Variants in NDUFV3 observed in about 807,000 individuals in gnomAD.
NDUFV3 encodes the protein NADH dehydrogenase [ubiquinone] flavoprotein 3, mitochondrial.
A neutral mutation model predicts 37.5 loss-of-function variants in NDUFV3; 44 were observed. The ratio of observed to expected loss-of-function variants is 1.17; its 90% CI spans 0.92 to 1.51. The LOEUF (loss-of-function observed/expected upper bound fraction) is 1.51. Ranked by LOEUF, NDUFV3 falls within the 40% of genes most tolerant of loss-of-function variation. The pLI, the probability that NDUFV3 is intolerant of heterozygous loss-of-function variation, is 0.00. For synonymous variants in NDUFV3, 235 were observed against 239.3 expected (o/e 0.98, Z 0.17); for missense variants, 580 against 580.4 (o/e 1.00, Z 0.01).
chr21:42,893,398 C>G lies in NDUFV3; in HGVS notation c.48+17C>G. The stretch of plus-strand genomic sequence containing the variant: ...GCGCTGAAGGTAAAGGAGGAGCCAG[C>G]CTGGGCTGGCTGCGCGGCCCCGAGC... On this transcript the variant is annotated intron_variant, in intron 1 of 3. Coordinates refer to ENST00000354250, the MANE Select transcript of NDUFV3 (RefSeq NM_021075.4). 3 of 1,535,928 alleles carry G rather than the reference C, an allele frequency of 2.0e-6. No individual in the cohort carries two copies. Among genetic ancestry groups the G allele is most frequent in the Non-Finnish European group, 2.6e-6 (3 of 1,146,298 alleles).
At chr21:42,901,626 T>A (rs60248966) in intron 2 of NDUFV3, among the ~76,000 whole-genome samples, 5,683 of 151,340 alleles carry the variant, frequency 0.038, 347 homozygotes, top group African/African-American at 0.13. Flanking sequence ...GAAAACGAAA[T>A]TTTACGTATC....
chr21:42,902,662 T>G (rs2058721945), intron 2 of NDUFV3, among the ~76,000 whole-genome samples: 1 of 152,198 alleles, frequency 6.6e-6, no homozygotes, highest in Admixed American at 6.6e-5. Context: ...AGAAACAGTC[T>G]CTGAAAGTCC....
chr21:42,901,992 T>C (rs2045089722), intron 2 of NDUFV3, among the ~76,000 whole-genome samples: 1 of 152,238 alleles, frequency 6.6e-6, no homozygotes, highest in African/African-American at 2.4e-5. Context: ...GCAGATCACC[T>C]GAGGTCGGGA....
Position 42,903,147 on chromosome 21 carries a change from T to C in NDUFV3, c.170-35T>C, listed in dbSNP as rs766469050. On this transcript the variant is annotated intron_variant, in intron 2 of 3. Coordinates refer to ENST00000354250, the MANE Select transcript of NDUFV3 (RefSeq NM_021075.4). ...ATTTTGACTGAGTTTTAAGTTGTTT[T>C]GTTAAATAACATTCCTCTTTATGCC... is the stretch of plus-strand genomic sequence containing the variant. 27 of 1,613,724 alleles carry C rather than the reference T, an allele frequency of 1.7e-5. No homozygotes were observed. The East Asian group carries it at 6.0e-4, about 36-fold the overall frequency.
chr21:42,896,446 C>T (rs1260514375), intron 1 of NDUFV3, among the ~76,000 whole-genome samples: 1 of 151,922 alleles, frequency 6.6e-6, no homozygotes, highest in Non-Finnish European at 1.5e-5. Context: ...GCACCGCGCC[C>T]GGCCTTTTTT....
intron 1 of NDUFV3, among the ~76,000 whole-genome samples, chr21:42,896,628 G>C (rs2058692695): frequency 6.6e-6 from 1 of 152,068 alleles, no homozygotes; most frequent in African/African-American, 2.4e-5. Flanking sequence ...GAGGCCAGGA[G>C]TTTGAGGAAG....
At chr21:42,907,449 T>C (rs1217934609) in intron 3 of NDUFV3, among the ~76,000 whole-genome samples, 1 of 21,086 alleles carries the variant, frequency 4.7e-5, no homozygotes, top group Non-Finnish European at 1.0e-4. Flanking sequence ...GCCCTACTAA[T>C]TTTTTTTTTT....
chr21:42,908,964 A>G lies in NDUFV3; in HGVS notation c.1365A>G (p.Glu455=). ...STYTFLDLNL[E]LSKFRMPQPS... Reference sequence around the variant, plus strand: ...ACACCTTCTTAGACCTCAACCTCGAACTCTCAAAATTCAGGATGCCTCAGC... The same window carrying G: ...ACACCTTCTTAGACCTCAACCTCGAGCTCTCAAAATTCAGGATGCCTCAGC... The change falls in exon 4 of 4, where the codon GAA becomes GAG. Residue 455 remains glutamate (E), a synonymous_variant. Coordinates refer to ENST00000354250, the MANE Select transcript of NDUFV3 (RefSeq NM_021075.4). 1.9e-6 allele frequency: 3 copies of G among 1,613,814 alleles called. No homozygotes were observed. The highest frequency in any genetic ancestry group is 2.5e-6 in the Non-Finnish European group (3 of 1,179,946).
At chr21:42,902,730 T>C (rs1465583965) in intron 2 of NDUFV3, among the ~76,000 whole-genome samples, 1 of 152,160 alleles carries the variant, frequency 6.6e-6, no homozygotes, top group Non-Finnish European at 1.5e-5. Context: ...AGTTTTGTGT[T>C]TTATTATACA....
Position 42,903,314 on chromosome 21 carries a change from C to G in NDUFV3, c.302C>G (p.Pro101Arg), listed in dbSNP as rs771742445. Residue 101 changes from proline (P) to arginine (R), a missense_variant, in exon 3 of 4, where the codon CCC (proline) becomes CGC (arginine). Pro to Arg is a moderately radical substitution (Grantham distance 103). Transcript: ENST00000354250. ...NKGRKVASPS[P>R]SGSVLFTDEG... Reference sequence around the variant, plus strand: ...GGCAGGAAGGTAGCTAGTCCCAGTCCCAGTGGCAGCGTGCTATTCACAGAT... The same window carrying G: ...GGCAGGAAGGTAGCTAGTCCCAGTCGCAGTGGCAGCGTGCTATTCACAGAT... 1.2e-6 allele frequency: 2 copies of G among 1,614,100 alleles called. No homozygotes were observed. The highest frequency in any genetic ancestry group is 1.7e-5 in the Admixed American group (1 of 59,982).
rs1376526611 is a variant in NDUFV3, at chr21:42,893,351, G to T, written c.18G>T (p.Leu6Phe). 1 of 1,538,406 alleles carries T rather than the reference G, an allele frequency of 6.5e-7. No homozygotes were observed. Among genetic ancestry groups the T allele is most frequent in the Non-Finnish European group, 8.7e-7 (1 of 1,146,402 alleles). The stretch of plus-strand genomic sequence containing the variant: ...TCACCGCCATGGCTGCCCCGTGTTT[G>T]CTGCGGCAAGGACGAGCCGGGGCGC... MAAPC[L>F]LRQGRAGALK... Residue 6 changes from leucine to phenylalanine, a missense_variant, in exon 1 of 4, where the codon TTG becomes TTT. By Grantham distance (22) the Leu-to-Phe change is conservative. Transcript: ENST00000354250.
chr21:42,894,457 T>TA (rs2058678916), intron 1 of NDUFV3, among the ~76,000 whole-genome samples: 3 of 41,662 alleles, frequency 7.2e-5, no homozygotes, highest in African/African-American at 6.3e-4. Context: ...ATATAATATG[T>TA]TTATATAAAT....
chr21:42,903,193 C>G lies in NDUFV3; in HGVS notation c.181C>G (p.Pro61Ala), dbSNP rs1568859081. 1 of 1,614,076 alleles carries G rather than the reference C, an allele frequency of 6.2e-7. No individual in the cohort carries two copies. The highest frequency in any genetic ancestry group is 8.5e-7 in the Non-Finnish European group (1 of 1,180,028). ...KQSPPKNVVE[P>A]KERGKLLATQ... is the part of the protein sequence containing the mutation. The stretch of plus-strand genomic sequence containing the variant: ...ATGCCGTTTCCCAGATGTAGTGGAA[C>G]CAAAGGAGAGGGGCAAGCTCCTAGC... The change falls in exon 3 of 4, where the codon CCA becomes GCA. Residue 61 changes from proline (P) to alanine (A), a missense_variant. Coordinates refer to ENST00000354250, the MANE Select transcript of NDUFV3 (RefSeq NM_021075.4).
rs954766024 is a variant in NDUFV3, at chr21:42,910,661, G to A, written c.*1640G>A. The A allele has an allele frequency of 4.5e-5, 7 of 155,792 alleles. No individual in the cohort carries two copies. Among genetic ancestry groups the A allele is most frequent in the African/African-American group, 1.7e-4 (7 of 40,038 alleles). 9.7% of individuals were successfully genotyped at this position (155,792 alleles called of 1,614,324 possible). On this transcript the variant is annotated 3_prime_UTR_variant, in exon 4 of 4. Coordinates refer to ENST00000354250, the MANE Select transcript of NDUFV3 (RefSeq NM_021075.4). ...GTGAAGTTTCGTGCGGTGCAGGGAC[G>A]GAGTAGGAAGAGGTGAAGTTTCGTG...
chr21:42,903,162 C>G lies in NDUFV3; in HGVS notation c.170-20C>G. On this transcript the variant is annotated intron_variant, in intron 2 of 3. Coordinates refer to ENST00000354250, the MANE Select transcript of NDUFV3 (RefSeq NM_021075.4). ...TAAGTTGTTTTGTTAAATAACATTCCTCTTTATGCCGTTTCCCAGATGTAG... is the reference window on the plus strand; with the variant it reads ...TAAGTTGTTTTGTTAAATAACATTCGTCTTTATGCCGTTTCCCAGATGTAG... 1.2e-6 allele frequency: 2 copies of G among 1,614,030 alleles called. No homozygotes were observed. The highest frequency in any genetic ancestry group is 1.7e-6 in the Non-Finnish European group (2 of 1,179,976).
rs2058724110 is a variant in NDUFV3 at position 42,903,167 on chromosome 21, T to C, written c.170-15T>C. On this transcript the variant is annotated splice_polypyrimidine_tract_variant and intron_variant, in intron 2 of 3. Coordinates refer to ENST00000354250, the MANE Select transcript of NDUFV3 (RefSeq NM_021075.4). The stretch of plus-strand genomic sequence containing the variant: ...TGTTTTGTTAAATAACATTCCTCTT[T>C]ATGCCGTTTCCCAGATGTAGTGGAA... 4.3e-6 allele frequency: 7 copies of C among 1,614,190 alleles called. No homozygotes were observed. The highest frequency in any genetic ancestry group is 5.9e-6 in the Non-Finnish European group (7 of 1,180,038).
chr21:42,904,432 T>C (rs1403664525), intron 3 of NDUFV3, among the ~76,000 whole-genome samples, 156 bp downstream of exon 3: 1 of 152,110 alleles, frequency 6.6e-6, no homozygotes, highest in Non-Finnish European at 1.5e-5. Context: ...CAGAAAAGTA[T>C]GTCTTAATTA....
At chr21:42,901,324 C>A (rs1307843040) in intron 2 of NDUFV3, among the ~76,000 whole-genome samples, 2 of 152,068 alleles carry the variant, frequency 1.3e-5, no homozygotes, top group Non-Finnish European at 2.9e-5. Context: ...TGCTTGTAGT[C>A]CCAGCTACTC....
Position 42,904,117 on chromosome 21 carries a change from G to A in NDUFV3, c.1105G>A (p.Ala369Thr). 6.2e-7 allele frequency: 1 copy of A among 1,614,246 alleles called. No individual in the cohort carries two copies. Among genetic ancestry groups the A allele is most frequent in the Admixed American group, 1.7e-5 (1 of 60,032 alleles). Reference protein sequence around the residue: ...GIEGHLKGGQAIVEDQIPPSN... With the variant: ...GIEGHLKGGQTIVEDQIPPSN... ...AGAAGGCCACCTGAAGGGTGGACAG[G>A]CAATCGTGGAAGATCAGATACCACC... The change falls in exon 3 of 4, where the codon GCA becomes ACA. Residue 369 changes from alanine (A) to threonine (T), a missense_variant. By Grantham distance (58) the Ala-to-Thr change is moderately conservative (BLOSUM62 0). Coordinates refer to ENST00000354250, the MANE Select transcript of NDUFV3 (RefSeq NM_021075.4).
Sources: gnomAD v4.1 joint callset for allele counts (sites outside exome capture counted in the v4.1 genomes callset) on GRCh38, gnomAD v4.1.1 for gene constraint, MANE v1.5 for transcripts, NCBI Gene and HGNC (gene_info 2026-07-23, HGNC 2026-07-21) for gene names.